GPC5: variants seen among roughly 807,000 people sequenced by gnomAD.
The protein encoded by GPC5 is glypican-5.
In GPC5, 47 loss-of-function variants were observed where a neutral mutation model predicts 53.9. The observed-to-expected ratio is 0.87, with a 90% CI of 0.69 to 1.11. The LOEUF (loss-of-function observed/expected upper bound fraction) is 1.11. Ranked by LOEUF, GPC5 falls within the 50% of genes most tolerant of loss-of-function variation. The pLI, the probability that GPC5 is intolerant of heterozygous loss-of-function variation, is 0.00. For missense variants in GPC5, 748 were observed against 713.1 expected (o/e 1.05, Z -0.56); for synonymous variants, 286 against 263.3 (o/e 1.09, Z -0.84).
chr13:92,094,768 T>A (rs1193251462), intron 6 of GPC5, among the ~76,000 whole-genome samples: 1 of 151,972 alleles, frequency 6.6e-6, no homozygotes, highest in Non-Finnish European at 1.5e-5. Context: ...CAGATTGTGC[T>A]GTTTCAAATT....
intron 7 of GPC5, among the ~76,000 whole-genome samples, chr13:92,500,414 C>G (rs1417076704): frequency 6.6e-6 from 1 of 152,116 alleles, no homozygotes; most frequent in African/African-American, 2.4e-5. Context: ...TGCCGGACCC[C>G]CAGGAGTAGA....
At chr13:91,859,534 T>C (rs2039003501) in intron 5 of GPC5, among the ~76,000 whole-genome samples, 1 of 151,994 alleles carries the variant, frequency 6.6e-6, no homozygotes, top group African/African-American at 2.4e-5. Context: ...GTAATTTGTC[T>C]CTTTTAAGAA....
At chr13:91,701,238 A>G (rs1372209660) in intron 3 of GPC5, among the ~76,000 whole-genome samples, 3 of 152,160 alleles carry the variant, frequency 2.0e-5, no homozygotes, top group African/African-American at 7.2e-5. Flanking sequence ...TCTCTGAGAA[A>G]GTTCAAGTGT....
chr13:91,952,494 G>C (rs1350735263), intron 6 of GPC5, among the ~76,000 whole-genome samples: 1 of 152,072 alleles, frequency 6.6e-6, no homozygotes, highest in Non-Finnish European at 1.5e-5. Context: ...CATATTGGCA[G>C]ATAAATACAA....
intron 7 of GPC5, among the ~76,000 whole-genome samples, chr13:92,685,545 T>TTTTTTTTTTTTTTTAATTTTTTTTTTTAA: frequency 6.7e-5 from 1 of 14,996 alleles, no homozygotes; most frequent in African/African-American, 1.3e-4. Context: ...ATTATGCTCA[T>TTTTTTTTTTTTTTTAATTTTTTTTTTTAA]TTTTTTTTTT....
chr13:92,760,244 T>TA (rs1226190345), intron 7 of GPC5, among the ~76,000 whole-genome samples: 1 of 152,160 alleles, frequency 6.6e-6, no homozygotes, highest in African/African-American at 2.4e-5. Flanking sequence ...TTGGAGGAGT[T>TA]AAAGAAATAT....
intron 2 of GPC5, among the ~76,000 whole-genome samples, chr13:91,647,067 ATGCGTGTGTGTGTGTGTG>A (rs59234764): frequency 0.067 from 8,578 of 127,740 alleles, 813 homozygotes; most frequent in African/African-American, 0.23. Context: ...TAATATATAT[ATGCGTGTGTGTGTGTGTG>A]TGTGTGTGTG....
Position 92,862,626 on chromosome 13 carries a change from CAGATAGATAGAT to C in GPC5, c.1562-3623_1562-3612del, listed in dbSNP as rs369002690. Among the ~76,000 whole-genome samples the C allele has an allele frequency of 5.2e-3, 674 of 129,750 alleles. 1 individual carries two copies. Among genetic ancestry groups the C allele is most frequent in the Middle Eastern group, 0.012 (3 of 246 alleles). 85.1% of individuals were successfully genotyped at this position (129,750 alleles called of 152,430 possible). On this transcript the variant is annotated intron_variant, in intron 7 of 7. Coordinates refer to ENST00000377067, the MANE Select transcript of GPC5 (RefSeq NM_004466.6). The stretch of plus-strand genomic sequence containing the variant: ...GATATATCTAGTGGAGATAGATAGA[CAGATAGATAGAT>C]AGATAGATAGATAGATAGATAGATA...
rs115073803 is a variant in GPC5 at position 92,563,059 on chromosome 13, C to T, written c.1562-303223C>T. On this transcript the variant is annotated intron_variant, in intron 7 of 7. Coordinates refer to ENST00000377067, the MANE Select transcript of GPC5 (RefSeq NM_004466.6). ...AAATTCCCCCACTCCAGTTTGGTGACGGGCAGGTACCAATCAATATCATTT... is the reference window on the plus strand; with the variant it reads ...AAATTCCCCCACTCCAGTTTGGTGATGGGCAGGTACCAATCAATATCATTT... Among the ~76,000 whole-genome samples, 517 of 152,022 alleles carry T rather than the reference C, an allele frequency of 3.4e-3. 1 individual carries two copies. The highest frequency in any genetic ancestry group is 0.012 in the African/African-American group (481 of 41,514).
At chr13:92,412,921 T>C (rs1361742384) in intron 7 of GPC5, among the ~76,000 whole-genome samples, 1 of 152,202 alleles carries the variant, frequency 6.6e-6, no homozygotes, top group Non-Finnish European at 1.5e-5. Context: ...AATATAAAGA[T>C]AGCCTGTCAA....
intron 7 of GPC5, among the ~76,000 whole-genome samples, chr13:92,843,393 A>G (rs988820077): frequency 6.6e-6 from 1 of 152,216 alleles, no homozygotes; most frequent in Non-Finnish European, 1.5e-5. Context: ...AATTAAGTTG[A>G]TCCAAGTATC....
At chr13:92,628,264 C>CTTTTTT (rs71123419) in intron 7 of GPC5, among the ~76,000 whole-genome samples, 1,331 of 45,206 alleles carry the variant, frequency 0.029, 229 homozygotes, top group Non-Finnish European at 0.045. Context: ...CTTTTTCTTT[C>CTTTTTT]TTTTTTTTTT....
At chr13:92,083,011 T>C (rs976620332) in intron 6 of GPC5, among the ~76,000 whole-genome samples, 1 of 152,200 alleles carries the variant, frequency 6.6e-6, no homozygotes, top group Non-Finnish European at 1.5e-5. Flanking sequence ...ACAGAGCTTA[T>C]AAATACTCAT....
At chr13:92,074,315 A>C (rs1379377648) in intron 6 of GPC5, among the ~76,000 whole-genome samples, 3 of 152,192 alleles carry the variant, frequency 2.0e-5, no homozygotes, top group African/African-American at 7.2e-5. Flanking sequence ...AATTGGTAAA[A>C]ATGTCAAGGC....
chr13:91,507,608 C>T (rs958247315), intron 2 of GPC5, among the ~76,000 whole-genome samples: 12 of 152,212 alleles, frequency 7.9e-5, no homozygotes, highest in African/African-American at 2.9e-4. Flanking sequence ...CCTCCCACAA[C>T]ACGTGGAAAT....
At chr13:92,015,538 A>G (rs1409423220) in intron 6 of GPC5, among the ~76,000 whole-genome samples, 1 of 152,350 alleles carries the variant, frequency 6.6e-6, no homozygotes, top group Admixed American at 6.5e-5. Flanking sequence ...TTTTATCTAC[A>G]CTACCTAGTG....
chr13:92,059,920 T>C (rs1437448288), intron 6 of GPC5: 2 of 151,900 alleles, frequency 1.3e-5, no homozygotes, highest in Non-Finnish European at 2.9e-5. Context: ...CTACGTAACA[T>C]GCCCACATCA....
intron 6 of GPC5, among the ~76,000 whole-genome samples, chr13:91,943,845 TA>T (rs1273820889): frequency 2.6e-5 from 4 of 152,070 alleles, no homozygotes; most frequent in Non-Finnish European, 5.9e-5. Context: ...CATTCCTTCT[TA>T]CAAATTACAA....
chr13:91,548,980 G>A (rs962283461), intron 2 of GPC5, among the ~76,000 whole-genome samples: 7 of 152,068 alleles, frequency 4.6e-5, no homozygotes, highest in African/African-American at 1.7e-4. Context: ...AGTGCAAAAT[G>A]CAAAAACTGG....
Sources: gnomAD v4.1 joint callset for allele counts (sites outside exome capture counted in the v4.1 genomes callset) on GRCh38, gnomAD v4.1.1 for gene constraint, MANE v1.5 for transcripts, NCBI Gene and HGNC (gene_info 2026-07-23, HGNC 2026-07-21) for gene names.